The following RBMS3 variants were observed in gnomAD, a reference collection of about 807,000 sequenced individuals.
The protein encoded by RBMS3 is RNA-binding motif, single-stranded-interacting protein 3.
RBMS3 carries 27 observed loss-of-function variants against 66.8 expected under a neutral mutation model. The observed-to-expected ratio is 0.40, with a 90% CI of 0.30 to 0.56. RBMS3 has a LOEUF of 0.56. Among genes scored for constraint, RBMS3 ranks in the 20% least tolerant of loss-of-function variants. The pLI is 0.40. For synonymous variants in RBMS3, 188 were observed against 183.0 expected, an observed-to-expected ratio of 1.03 and a Z score of -0.22; for missense variants, 513 against 549.5, an observed-to-expected ratio of 0.93 and a Z score of 0.66.
intron 6 of RBMS3, among the ~76,000 whole-genome samples, chr3:29,863,585 C>G (rs1410484960): frequency 6.6e-6 from 1 of 151,952 alleles, no homozygotes; most frequent in African/African-American, 2.4e-5. Context: ...TACAGATCCC[C>G]CAAATATCAG....
At chr3:29,284,248 A>G (rs529876248) in intron 1 of RBMS3, among the ~76,000 whole-genome samples, 8 of 152,262 alleles carry the variant, frequency 5.3e-5, no homozygotes, top group African/African-American at 1.7e-4. Flanking sequence ...TTTGATGAAA[A>G]TAGAGTCTAC....
rs1035259208 is a variant in RBMS3, at chr3:29,365,719, C to T, written c.76-69024C>T. The stretch of plus-strand genomic sequence containing the variant: ...TGGCCGCCTTCAAATCATTCTCCTT[C>T]ACTTCTGCCGTTAGGTACATGCAAA... On this transcript the variant is annotated intron_variant, in intron 1 of 14. Coordinates refer to ENST00000383767, the MANE Select transcript of RBMS3 (RefSeq NM_001003793.3). Among the ~76,000 whole-genome samples, 4 of 152,178 alleles carry T rather than the reference C, an allele frequency of 2.6e-5. No individual in the cohort carries two copies. In the East Asian group the frequency reaches 7.7e-4, roughly 29 times the overall value.
intron 6 of RBMS3, 59 bp from the exon 7 acceptor site, chr3:29,868,799 T>C: frequency 7.2e-7 from 1 of 1,379,350 alleles, no homozygotes; most frequent in Admixed American, 2.0e-5. Flanking sequence ...GTGACTCACA[T>C]AATCACTTAG....
At position 29,468,944 on chromosome 3, in the gene RBMS3, C is replaced by T. The variant is rs535552684; in HGVS notation, c.249-19497C>T. Among the ~76,000 whole-genome samples, 18 of 152,204 alleles carry T rather than the reference C, an allele frequency of 1.2e-4. No homozygotes were observed. The South Asian group carries it at 3.5e-3, about 30-fold the overall frequency. Reference sequence around the variant, plus strand: ...TGTGTATATTATAACCAAACACACACACAAACTCAAGATGTTCCTCCAAAA... The same window carrying T: ...TGTGTATATTATAACCAAACACACATACAAACTCAAGATGTTCCTCCAAAA... On this transcript the variant is annotated intron_variant, in intron 2 of 14. Coordinates refer to ENST00000383767, the MANE Select transcript of RBMS3 (RefSeq NM_001003793.3).
At chr3:29,343,364 C>T (rs1350223479) in intron 1 of RBMS3, among the ~76,000 whole-genome samples, 1 of 151,718 alleles carries the variant, frequency 6.6e-6, no homozygotes, top group African/African-American at 2.4e-5. Flanking sequence ...GTTGAGAAAT[C>T]TACATTAATT....
At chr3:29,473,291 G>A (rs2042812698) in intron 2 of RBMS3, among the ~76,000 whole-genome samples, 1 of 152,006 alleles carries the variant, frequency 6.6e-6, no homozygotes, top group African/African-American at 2.4e-5. Flanking sequence ...GCTGATTGGT[G>A]TATTTACAAT....
At chr3:29,429,388 G>T (rs1223201881) in intron 1 of RBMS3, among the ~76,000 whole-genome samples, 1 of 152,158 alleles carries the variant, frequency 6.6e-6, no homozygotes, top group African/African-American at 2.4e-5. Flanking sequence ...CTCTGAGATA[G>T]CATCCCTAAT....
intron 4 of RBMS3, among the ~76,000 whole-genome samples, chr3:29,733,473 A>T (rs946261006): frequency 6.6e-6 from 1 of 151,888 alleles, no homozygotes; most frequent in South Asian, 2.1e-4. Context: ...ACTAATTTAC[A>T]TTCTGACTAA....
chr3:29,430,968 G>C (rs1189212544), intron 1 of RBMS3, among the ~76,000 whole-genome samples: 1 of 152,126 alleles, frequency 6.6e-6, no homozygotes, highest in African/African-American at 2.4e-5. Flanking sequence ...AAGCCACCTC[G>C]GCAAGCATGT....
At chr3:29,929,121 G>A (rs1445367033) in intron 10 of RBMS3, among the ~76,000 whole-genome samples, 1 of 152,172 alleles carries the variant, frequency 6.6e-6, no homozygotes, top group African/African-American at 2.4e-5. Flanking sequence ...CTGTAATCAA[G>A]TGTACAAGTT....
chr3:29,724,791 G>A (rs1411855793), intron 4 of RBMS3, among the ~76,000 whole-genome samples: 1 of 152,152 alleles, frequency 6.6e-6, no homozygotes, highest in Non-Finnish European at 1.5e-5. Flanking sequence ...AGGGCTATAA[G>A]AGTTAGGGGA....
chr3:29,761,426 C>T lies in RBMS3; in HGVS notation c.558-1484C>T, dbSNP rs151062371. 4.4e-3 allele frequency among the ~76,000 whole-genome samples: 673 copies of T among 152,164 alleles called. 7 individuals carry two copies. Among genetic ancestry groups the T allele is most frequent in the African/African-American group, 0.015 (643 of 41,520 alleles). ...AATTTTTAAGAATTTCCCGGGCAAA[C>T]CTTCCACTGAGCCACATGCTTGCTC... On this transcript the variant is annotated intron_variant, in intron 5 of 14. Coordinates refer to ENST00000383767, the MANE Select transcript of RBMS3 (RefSeq NM_001003793.3).
At chr3:29,800,896 A>G (rs1356426440) in intron 6 of RBMS3, among the ~76,000 whole-genome samples, 3 of 151,912 alleles carry the variant, frequency 2.0e-5, no homozygotes, top group Non-Finnish European at 4.4e-5. Context: ...TTTTGTCAGG[A>G]GAAAAATTAC....
intron 1 of RBMS3, among the ~76,000 whole-genome samples, chr3:29,395,563 A>G (rs567483120): frequency 2.7e-4 from 41 of 152,346 alleles, no homozygotes; most frequent in Admixed American, 3.9e-4. Context: ...AGCTACATTT[A>G]AGCAAATGCT....
intron 4 of RBMS3, among the ~76,000 whole-genome samples, chr3:29,678,343 T>C (rs1336027599): frequency 6.6e-6 from 1 of 152,136 alleles, no homozygotes; most frequent in Non-Finnish European, 1.5e-5. Flanking sequence ...AGGAGATTTA[T>C]ATATATATTA....
intron 3 of RBMS3, among the ~76,000 whole-genome samples, chr3:29,578,722 A>G (rs1203191696): frequency 1.3e-5 from 2 of 151,840 alleles, no homozygotes; most frequent in African/African-American, 2.4e-5. Context: ...TCAAGTGACA[A>G]GTTGGCGGAG....
rs557281519 is a variant in RBMS3, at chr3:29,806,888, T to C, written c.637+43899T>C. On this transcript the variant is annotated intron_variant, in intron 6 of 14. Transcript: ENST00000383767. ...CACCAATTAACTATTTGCAGTTGCTTTTTCAAAAAGGATTGGGATTCTTTT... is the reference window on the plus strand; with the variant it reads ...CACCAATTAACTATTTGCAGTTGCTCTTTCAAAAAGGATTGGGATTCTTTT... Among the ~76,000 whole-genome samples, 9 of 152,022 alleles carry C rather than the reference T, an allele frequency of 5.9e-5. No individual in the cohort carries two copies. In the South Asian group the frequency reaches 1.4e-3, roughly 24 times the overall value.
intron 2 of RBMS3, among the ~76,000 whole-genome samples, chr3:29,473,242 T>C (rs1320144487): frequency 6.6e-6 from 1 of 150,686 alleles, no homozygotes; most frequent in African/African-American, 2.5e-5. Flanking sequence ...CACAGGGTGC[T>C]GATTGGTGTG....
At chr3:29,996,498 A>G (rs1214507292) in intron 14 of RBMS3, among the ~76,000 whole-genome samples, 1 of 150,040 alleles carries the variant, frequency 6.7e-6, no homozygotes, top group Non-Finnish European at 1.5e-5. Flanking sequence ...CCTATTCCAA[A>G]ATTGACCACA....
Sources: gnomAD v4.1 joint callset for allele counts (sites outside exome capture counted in the v4.1 genomes callset) on GRCh38, gnomAD v4.1.1 for gene constraint, MANE v1.5 for transcripts, NCBI Gene and HGNC (gene_info 2026-07-23, HGNC 2026-07-21) for gene names.